FGD6: variants seen among roughly 807,000 people sequenced by gnomAD.
The protein encoded by FGD6 is FYVE, RhoGEF and PH domain-containing protein 6.
In FGD6, 90 loss-of-function variants were observed where a neutral mutation model predicts 149.4. The observed-to-expected ratio is 0.60, with a 90% CI of 0.51 to 0.72. The LOEUF (loss-of-function observed/expected upper bound fraction) is 0.72, where lower values mean the gene tolerates loss of function less well. Ranked by LOEUF, FGD6 falls within the 30% of genes least tolerant of loss-of-function variation. FGD6 has a pLI of 0.00. For missense variants in FGD6, 1,437 were observed against 1,684.8 expected, an observed-to-expected ratio of 0.85 and a Z score of 2.57; for synonymous variants, 527 against 584.0, an observed-to-expected ratio of 0.90 and a Z score of 1.41.
At chr12:95,214,983 C>T (rs527329779) in intron 1 of FGD6, among the ~76,000 whole-genome samples, 1 of 151,594 alleles carries the variant, frequency 6.6e-6, no homozygotes, top group African/African-American at 2.4e-5. Flanking sequence ...ATATCAGCCT[C>T]CCGAATAGCT....
intron 3 of FGD6, among the ~76,000 whole-genome samples, chr12:95,169,056 T>C (rs1352551352): frequency 6.6e-6 from 1 of 152,224 alleles, no homozygotes; most frequent in African/African-American, 2.4e-5. Context: ...AGAAAATTCA[T>C]TAGCGTGGCT....
intron 14 of FGD6, among the ~76,000 whole-genome samples, chr12:95,097,974 C>T (rs1030164719): frequency 1.3e-5 from 2 of 152,142 alleles, no homozygotes; most frequent in African/African-American, 4.8e-5. Context: ...TAAAGAGTTA[C>T]AGGAGTTTGG....
At chr12:95,187,604 G>C (rs974644490) in intron 2 of FGD6, among the ~76,000 whole-genome samples, 1 of 148,854 alleles carries the variant, frequency 6.7e-6, no homozygotes. Context: ...AGTGAGCCAA[G>C]ATTGCGCCAC....
Position 95,081,418 on chromosome 12 carries a change from A to T in FGD6, c.*102T>A, listed in dbSNP as rs1877667449. On this transcript the variant is annotated 3_prime_UTR_variant, in exon 21 of 21. Coordinates refer to ENST00000343958, the MANE Select transcript of FGD6 (RefSeq NM_018351.4). ...TTTGATGAAGGGTCTGGTTGGCTTT[A>T]TCTTGGCAGTGTTCATTTTTATACA... The T allele has an allele frequency of 2.9e-6, 3 of 1,019,352 alleles. No homozygotes were observed. The highest frequency in any genetic ancestry group is 4.7e-5 in the Admixed American group (2 of 42,608). The allele number at this position is 1,019,352 out of a possible 1,614,324, so 63.1% of individuals were successfully genotyped here. A position where few individuals can be genotyped will look rare whatever the true frequency, so the allele number is the denominator to read the frequency against.
chr12:95,180,773 C>A (rs143853831), intron 2 of FGD6, among the ~76,000 whole-genome samples: 1 of 151,938 alleles, frequency 6.6e-6, no homozygotes, highest in Non-Finnish European at 1.5e-5. Flanking sequence ...TGACCACCCC[C>A]CCGACACACA....
At chr12:95,086,958 G>A (rs552099116) in intron 18 of FGD6, among the ~76,000 whole-genome samples, 5 of 139,978 alleles carry the variant, frequency 3.6e-5, no homozygotes, top group East Asian at 4.3e-4. Flanking sequence ...AGCACTTCTC[G>A]TGCCCCAGCC....
chr12:95,193,190 C>T (rs1415112955), intron 2 of FGD6, among the ~76,000 whole-genome samples: 7 of 152,056 alleles, frequency 4.6e-5, no homozygotes, highest in African/African-American at 1.7e-4. Context: ...ACACAAAAAC[C>T]TGAATATGAA....
chr12:95,187,249 T>G (rs1285265818), intron 2 of FGD6, among the ~76,000 whole-genome samples: 1 of 150,812 alleles, frequency 6.6e-6, no homozygotes, highest in Non-Finnish European at 1.5e-5. Flanking sequence ...GAGAATGGCA[T>G]GAACCCAGGA....
chr12:95,151,493 C>A (rs532602938), intron 5 of FGD6, among the ~76,000 whole-genome samples: 10 of 152,276 alleles, frequency 6.6e-5, no homozygotes, highest in Admixed American at 2.0e-4. Flanking sequence ...GTTTCAAACT[C>A]CTGACCTCAG....
Position 95,078,273 on chromosome 12 carries a change from T to C in FGD6, c.*3247A>G, listed in dbSNP as rs1877559821. The stretch of plus-strand genomic sequence containing the variant: ...GTGTGTGGTACACTAAGAAAAACAA[T>C]ATGTATCTCTGGAAATCCCATTGAC... On this transcript the variant is annotated 3_prime_UTR_variant, in exon 21 of 21. Coordinates refer to ENST00000343958, the MANE Select transcript of FGD6 (RefSeq NM_018351.4). 1 of 152,188 alleles carries C rather than the reference T, an allele frequency of 6.6e-6. No individual in the cohort carries two copies. The highest frequency in any genetic ancestry group is 6.5e-5 in the Admixed American group (1 of 15,280). 9.4% of individuals were successfully genotyped at this position (152,188 alleles called of 1,614,324 possible).
intron 3 of FGD6, among the ~76,000 whole-genome samples, chr12:95,160,885 C>G (rs186452443): frequency 6.6e-6 from 1 of 150,960 alleles, no homozygotes; most frequent in Non-Finnish European, 1.5e-5. Flanking sequence ...AACAAACAAA[C>G]AAAGAACCCA....
intron 8 of FGD6, among the ~76,000 whole-genome samples, chr12:95,120,346 TA>T (rs1283773080): frequency 1.1e-4 from 16 of 151,968 alleles, no homozygotes; most frequent in Non-Finnish European, 1.9e-4. Context: ...ATTTATTTTT[TA>T]TTTTTTTTGC....
intron 2 of FGD6, among the ~76,000 whole-genome samples, chr12:95,207,747 T>C (rs928319260): frequency 6.6e-6 from 1 of 152,076 alleles, no homozygotes; most frequent in Non-Finnish European, 1.5e-5. Flanking sequence ...ACATCAGACA[T>C]GCCAATAAAT....
chr12:95,177,839 C>CA (rs1395340637), intron 2 of FGD6, among the ~76,000 whole-genome samples: 2 of 152,154 alleles, frequency 1.3e-5, no homozygotes, highest in African/African-American at 2.4e-5. Context: ...TCTGTTACTT[C>CA]AGTTCCCTTA....
rs187400082 is a variant in FGD6 at position 95,180,771 on chromosome 12, C to A, written c.2442-8027G>T. Among the ~76,000 whole-genome samples the A allele has an allele frequency of 3.2e-3, 489 of 151,918 alleles. 4 individuals carry two copies. The highest frequency in any genetic ancestry group is 0.011 in the African/African-American group (464 of 41,416). Reference sequence around the variant, plus strand: ...TTTTACTTTTTCAAAGTTGACCACCCCCCCGACACACACAGAGTCTGAAAA... The same window carrying A: ...TTTTACTTTTTCAAAGTTGACCACCACCCCGACACACACAGAGTCTGAAAA... On this transcript the variant is annotated intron_variant, in intron 2 of 20. Coordinates refer to ENST00000343958, the MANE Select transcript of FGD6 (RefSeq NM_018351.4).
At chr12:95,183,318 C>T (rs186306234) in intron 2 of FGD6, among the ~76,000 whole-genome samples, 28 of 152,334 alleles carry the variant, frequency 1.8e-4, no homozygotes, top group African/African-American at 6.7e-4. Context: ...TCATGGGAAC[C>T]AGGAGTGACC....
chr12:95,102,025 C>T (rs942551772), intron 14 of FGD6, among the ~76,000 whole-genome samples: 3 of 149,864 alleles, frequency 2.0e-5, no homozygotes, highest in African/African-American at 4.9e-5. Flanking sequence ...CCCTCAAAAA[C>T]GAAAAAAGGG....
chr12:95,163,344 A>G (rs1880701635), intron 3 of FGD6, among the ~76,000 whole-genome samples: 1 of 152,116 alleles, frequency 6.6e-6, no homozygotes, highest in African/African-American at 2.4e-5. Flanking sequence ...CTTTAAGACA[A>G]CACTCCAACT....
At chr12:95,183,673 T>C (rs1183901869) in intron 2 of FGD6, among the ~76,000 whole-genome samples, 1 of 152,086 alleles carries the variant, frequency 6.6e-6, no homozygotes, top group African/African-American at 2.4e-5. Flanking sequence ...ATCCCATCTC[T>C]ACAAAACATA....
Sources: allele counts gnomAD v4.1 joint callset (sites outside exome capture counted in the v4.1 genomes callset), GRCh38; gene constraint gnomAD v4.1.1; transcripts MANE v1.5; gene names NCBI Gene and HGNC (gene_info 2026-07-23, HGNC 2026-07-21).